The following KAZN variants were observed in gnomAD, a reference collection of about 807,000 sequenced individuals.
The protein encoded by KAZN is kazrin.
In KAZN, 40 loss-of-function variants were observed where a neutral mutation model predicts 87.4. That is an observed-to-expected ratio of 0.46 (90% confidence interval 0.36 to 0.60). The LOEUF (loss-of-function observed/expected upper bound fraction) is 0.60. Among genes scored for constraint, KAZN ranks in the 20% least tolerant of loss-of-function variants. The pLI is 0.00. For synonymous variants in KAZN, 466 were observed against 458.3 expected, an observed-to-expected ratio of 1.02 and a Z score of -0.22; for missense variants, 898 against 1,073.9, an observed-to-expected ratio of 0.84 and a Z score of 2.29.
At chr1:15,027,702 C>G (rs556888309) in intron 2 of KAZN, among the ~76,000 whole-genome samples, 1 of 152,292 alleles carries the variant, frequency 6.6e-6, no homozygotes, top group African/African-American at 2.4e-5. Context: ...CAGCTGGGAT[C>G]GTCTGACGTG....
chr1:14,414,651 A>G (rs1318963448), intron 2 of KAZN, among the ~76,000 whole-genome samples: 4 of 152,098 alleles, frequency 2.6e-5, no homozygotes, highest in South Asian at 4.1e-4. Flanking sequence ...TGTTATACGT[A>G]TGTAGCAAAA....
At chr1:13,979,315 G>A (rs1302429677) in intron 1 of KAZN, among the ~76,000 whole-genome samples, 1 of 152,114 alleles carries the variant, frequency 6.6e-6, no homozygotes, top group Non-Finnish European at 1.5e-5. Context: ...TAGCTTGAAA[G>A]AAGCAACAAT....
At chr1:14,284,429 G>A (rs967692714) in intron 2 of KAZN, among the ~76,000 whole-genome samples, 37 of 146,702 alleles carry the variant, frequency 2.5e-4, no homozygotes, top group African/African-American at 8.5e-4. Context: ...CCCTGTGGCA[G>A]GAGAGAATGT....
chr1:15,003,783 G>T (rs1022699727), intron 2 of KAZN, among the ~76,000 whole-genome samples: 1 of 152,070 alleles, frequency 6.6e-6, no homozygotes, highest in Non-Finnish European at 1.5e-5. Flanking sequence ...CCTGCAGTTG[G>T]ATACTCTTCC....
At chr1:14,772,636 T>TCA (rs1369087076) in intron 1 of KAZN, among the ~76,000 whole-genome samples, 1 of 152,112 alleles carries the variant, frequency 6.6e-6, no homozygotes, top group Non-Finnish European at 1.5e-5. Context: ...ACCTGCCAGG[T>TCA]CACCTGATCT....
At chr1:14,061,513 T>C (rs140786759) in intron 1 of KAZN, among the ~76,000 whole-genome samples, 29 of 152,278 alleles carry the variant, frequency 1.9e-4, no homozygotes, top group Non-Finnish European at 3.8e-4. Flanking sequence ...TAGAACAATA[T>C]GTGGGAAAAT....
chr1:13,902,063 C>T (rs1639270947), intron 1 of KAZN, among the ~76,000 whole-genome samples: 1 of 152,254 alleles, frequency 6.6e-6, no homozygotes, highest in Non-Finnish European at 1.5e-5. Flanking sequence ...CACACGGCCC[C>T]AGGCAGCCCC....
At position 14,108,695 on chromosome 1, in the gene KAZN, C is replaced by A. The variant is rs137950352; in HGVS notation, c.92-71740C>A. ...ACGTATCCCCAAAGTGACCCTTTAT[C>A]TTTAGAACAAGCTGGGAACCGTGTG... On this transcript the variant is annotated intron_variant, in intron 1 of 16. Coordinates refer to the KAZN transcript ENST00000636203. 1.1e-3 allele frequency among the ~76,000 whole-genome samples: 161 copies of A among 152,294 alleles called. 3 individuals are homozygous for A. The highest frequency in any genetic ancestry group is 3.6e-3 in the African/African-American group (149 of 41,560).
chr1:13,894,034 T>G (rs568339380), intron 1 of KAZN, among the ~76,000 whole-genome samples: 1 of 152,322 alleles, frequency 6.6e-6, no homozygotes, highest in East Asian at 1.9e-4. Flanking sequence ...ATTTTCTCTG[T>G]GGCTAGCTGG....
chr1:14,385,382 C>G (rs1329246111), intron 2 of KAZN, among the ~76,000 whole-genome samples: 1 of 152,090 alleles, frequency 6.6e-6, no homozygotes, highest in Admixed American at 6.5e-5. Flanking sequence ...TCTTGCTTTT[C>G]TAGTTCTTTT....
chr1:15,084,933 C>T (rs1453729135), intron 8 of KAZN, among the ~76,000 whole-genome samples: 1 of 152,032 alleles, frequency 6.6e-6, no homozygotes, highest in Non-Finnish European at 1.5e-5. Flanking sequence ...AAATACTATG[C>T]ATAAAATACT....
At chr1:13,985,210 A>T (rs7536991) in intron 1 of KAZN, among the ~76,000 whole-genome samples, 105,335 of 151,340 alleles carry the variant, frequency 0.7, 36,963 homozygotes, top group Admixed American at 0.78. Context: ...GAATTTTTTT[A>T]AAATTATTAT....
At chr1:13,914,852 G>A (rs143128965) in intron 1 of KAZN, among the ~76,000 whole-genome samples, 91 of 152,336 alleles carry the variant, frequency 6.0e-4, no homozygotes, top group Non-Finnish European at 5.3e-4. Context: ...AAGGAAATAA[G>A]TCTTGCCCAC....
intron 2 of KAZN, among the ~76,000 whole-genome samples, chr1:14,461,003 C>A (rs2480046): frequency 1.3e-5 from 2 of 151,910 alleles, no homozygotes; most frequent in Non-Finnish European, 2.9e-5. Context: ...CCTGCGCTGT[C>A]GTCTGCCTGC....
chr1:14,153,431 A>T (rs1645519947), intron 1 of KAZN, among the ~76,000 whole-genome samples: 1 of 152,126 alleles, frequency 6.6e-6, no homozygotes, highest in Non-Finnish European at 1.5e-5. Context: ...CAACTTTCCC[A>T]GCTTCATTTA....
At chr1:14,686,560 T>C (rs913401808) in intron 1 of KAZN, among the ~76,000 whole-genome samples, 2 of 152,252 alleles carry the variant, frequency 1.3e-5, no homozygotes, top group African/African-American at 4.8e-5. Context: ...TGCTTCTTAA[T>C]GGACTGTGGG....
chr1:14,863,027 G>T (rs1481444296), intron 1 of KAZN, among the ~76,000 whole-genome samples: 2 of 152,068 alleles, frequency 1.3e-5, no homozygotes, highest in Non-Finnish European at 2.9e-5. Flanking sequence ...TGTTGCTCCC[G>T]TGGTTCCATT....
chr1:14,990,293 G>A (rs1005842087), intron 2 of KAZN, among the ~76,000 whole-genome samples: 9 of 152,102 alleles, frequency 5.9e-5, no homozygotes, highest in African/African-American at 1.9e-4. Context: ...AGCGATCTCC[G>A]CTCACTGCAA....
chr1:14,915,942 C>G (rs1483421328), intron 1 of KAZN, among the ~76,000 whole-genome samples: 2 of 152,162 alleles, frequency 1.3e-5, no homozygotes, highest in East Asian at 3.9e-4. Context: ...GGCTTTAGTC[C>G]TGCTTCCATC....
Sources: allele counts gnomAD v4.1 joint callset (sites outside exome capture counted in the v4.1 genomes callset), GRCh38; gene constraint gnomAD v4.1.1; transcripts MANE v1.5; gene names NCBI Gene and HGNC (gene_info 2026-07-23, HGNC 2026-07-21).